Variants in AGPS observed in about 807,000 individuals in gnomAD.
AGPS encodes alkylglycerone phosphate synthase, also known as alkyldihydroxyacetonephosphate synthase, peroxisomal.
In AGPS, 26 loss-of-function variants were observed where a neutral mutation model predicts 90.7. The ratio of observed to expected loss-of-function variants is 0.29; its 90% CI spans 0.21 to 0.40. AGPS has a LOEUF of 0.40. AGPS is among the 10% of genes least tolerant of loss of function. The pLI, the probability that AGPS is intolerant of heterozygous loss-of-function variation, is 1.00. For missense variants in AGPS, 540 were observed against 816.1 expected, an observed-to-expected ratio of 0.66 and a Z score of 4.12; for synonymous variants, 294 against 285.3, an observed-to-expected ratio of 1.03 and a Z score of -0.31.
intron 1 of AGPS, among the ~76,000 whole-genome samples, chr2:177,411,088 C>G (rs1685608327): frequency 3.3e-5 from 5 of 152,090 alleles, no homozygotes; most frequent in Admixed American, 2.6e-4. Context: ...TTTTTCTTAA[C>G]TTGTTTGTCC....
At chr2:177,498,628 TA>T (rs562041621) in intron 13 of AGPS, among the ~76,000 whole-genome samples, 1,361 of 135,396 alleles carry the variant, frequency 0.01, 9 homozygotes, top group East Asian at 0.034. Context: ...AATGAGAATT[TA>T]AAAAAAAAAA....
Position 177,471,931 on chromosome 2 carries a change from C to A in AGPS, c.1105+3407C>A, listed in dbSNP as rs79407998. 6.5e-3 allele frequency among the ~76,000 whole-genome samples: 990 copies of A among 152,078 alleles called. 9 individuals carry two copies. The highest frequency in any genetic ancestry group is 0.023 in the African/African-American group (949 of 41,520). ...TTAATTTTCTTAGTAGGCTAATTTT[C>A]TCTTTTTGCCTGGAGGCCTTGAGGA... On this transcript the variant is annotated intron_variant, in intron 10 of 19. Transcript: ENST00000264167.
At chr2:177,403,158 G>T (rs1011217928) in intron 1 of AGPS, among the ~76,000 whole-genome samples, 1 of 152,196 alleles carries the variant, frequency 6.6e-6, no homozygotes, top group Non-Finnish European at 1.5e-5. Context: ...TTGACACATG[G>T]TTTTTGCCTA....
chr2:177,410,368 A>G lies in AGPS; in HGVS notation c.261-9901A>G, dbSNP rs923328796. On this transcript the variant is annotated intron_variant, in intron 1 of 19. Coordinates refer to ENST00000264167, the MANE Select transcript of AGPS (RefSeq NM_003659.4). Reference sequence around the variant, plus strand: ...TCTCCTAAAGGCTTCCTGATGTTTGATAGGTGTTCCCTCGGAAGTTAGGAA... The same window carrying G: ...TCTCCTAAAGGCTTCCTGATGTTTGGTAGGTGTTCCCTCGGAAGTTAGGAA... Among the ~76,000 whole-genome samples the G allele has an allele frequency of 3.3e-5, 5 of 152,240 alleles. No homozygotes were observed. In the South Asian group the frequency reaches 8.3e-4, roughly 25 times the overall value.
chr2:177,411,246 A>T (rs145562636), intron 1 of AGPS, among the ~76,000 whole-genome samples: 1 of 152,312 alleles, frequency 6.6e-6, no homozygotes, highest in East Asian at 1.9e-4. Context: ...TTACCCTTTA[A>T]GATTAGTTGG....
At chr2:177,400,160 A>G (rs1685293856) in intron 1 of AGPS, among the ~76,000 whole-genome samples, 2 of 152,234 alleles carry the variant, frequency 1.3e-5, no homozygotes, top group Non-Finnish European at 2.9e-5. Context: ...TCTTAAGTAC[A>G]TCAATTGTTT....
At chr2:177,450,043 T>C (rs1686892828) in intron 8 of AGPS, among the ~76,000 whole-genome samples, 3 of 152,114 alleles carry the variant, frequency 2.0e-5, no homozygotes, top group African/African-American at 7.2e-5. Context: ...TTCACCGCGT[T>C]AGCCAGGATG....
At chr2:177,498,055 A>G (rs950230885) in intron 13 of AGPS, among the ~76,000 whole-genome samples, 4 of 151,854 alleles carry the variant, frequency 2.6e-5, no homozygotes, top group African/African-American at 9.7e-5. Context: ...GTATCCATAA[A>G]GTGAAATAAG....
At chr2:177,524,621 C>T (rs1026522518) in intron 19 of AGPS, among the ~76,000 whole-genome samples, 15 of 151,910 alleles carry the variant, frequency 9.9e-5, no homozygotes, top group Admixed American at 2.6e-4. Flanking sequence ...CTGCTCTGGA[C>T]TCCTTATATC....
chr2:177,428,570 T>C (rs1294920554), intron 2 of AGPS, among the ~76,000 whole-genome samples: 1 of 152,186 alleles, frequency 6.6e-6, no homozygotes, highest in East Asian at 1.9e-4. Context: ...TCTTCTTCGC[T>C]TATGAAGCTT....
At chr2:177,453,690 A>ATTTTTTTT (rs11401105) in intron 8 of AGPS, among the ~76,000 whole-genome samples, 1 of 90,516 alleles carries the variant, frequency 1.1e-5, no homozygotes, top group Non-Finnish European at 2.0e-5. Context: ...ATCAGTAGTA[A>ATTTTTTTT]TTTTTTTTTT....
intron 5 of AGPS, among the ~76,000 whole-genome samples, chr2:177,439,301 T>G (rs1033982973): frequency 1.3e-5 from 2 of 152,108 alleles, no homozygotes; most frequent in Non-Finnish European, 1.5e-5. Context: ...TATTGGGTAG[T>G]GTTAAGTGCT....
intron 7 of AGPS, among the ~76,000 whole-genome samples, chr2:177,445,182 A>C (rs1686730331): frequency 6.6e-6 from 1 of 152,222 alleles, no homozygotes; most frequent in African/African-American, 2.4e-5. Flanking sequence ...GGAGTACCTC[A>C]TTTAATTATT....
At chr2:177,495,544 G>A (rs1688388264) in intron 12 of AGPS, among the ~76,000 whole-genome samples, 1 of 152,074 alleles carries the variant, frequency 6.6e-6, no homozygotes. Context: ...GATTAACATT[G>A]AAATAACAGA....
intron 15 of AGPS, among the ~76,000 whole-genome samples, chr2:177,505,975 G>T (rs1036082482): frequency 6.6e-6 from 1 of 151,876 alleles, no homozygotes; most frequent in Non-Finnish European, 1.5e-5. Flanking sequence ...ACTTGAAGTA[G>T]TTATTTGTTC....
chr2:177,499,433 G>A (rs572133734), intron 13 of AGPS, among the ~76,000 whole-genome samples, 185 bp from the exon 14 acceptor site: 7 of 151,844 alleles, frequency 4.6e-5, no homozygotes, highest in African/African-American at 1.4e-4. Flanking sequence ...GCTTTGCTAC[G>A]TTGTAATGAC....
intron 11 of AGPS, among the ~76,000 whole-genome samples, chr2:177,484,384 C>G (rs752012832): frequency 6.6e-5 from 10 of 151,928 alleles, no homozygotes; most frequent in African/African-American, 1.2e-4. Flanking sequence ...TACTCTGTCT[C>G]CCAGGCTGGA....
chr2:177,425,035 A>G (rs540659775), intron 2 of AGPS, among the ~76,000 whole-genome samples: 4 of 151,874 alleles, frequency 2.6e-5, no homozygotes, highest in Non-Finnish European at 4.4e-5. Flanking sequence ...TTGTCTGTTC[A>G]CTCTGATGAT....
At chr2:177,482,747 A>G (rs2105694274) in intron 11 of AGPS, among the ~76,000 whole-genome samples, 1 of 152,230 alleles carries the variant, frequency 6.6e-6, no homozygotes, top group Admixed American at 6.5e-5. Context: ...ATAAGCTAAA[A>G]AGAATTTTTA....
Sources: allele counts gnomAD v4.1 joint callset (sites outside exome capture counted in the v4.1 genomes callset), GRCh38; gene constraint gnomAD v4.1.1; transcripts MANE v1.5; gene names NCBI Gene and HGNC (gene_info 2026-07-23, HGNC 2026-07-21).